GLI2: variants seen among roughly 807,000 people sequenced by gnomAD.
The protein encoded by GLI2 is GLI family zinc finger 2, also known as transcription activator GLI2.
A neutral mutation model predicts 78.9 loss-of-function variants in GLI2; 22 were observed. That is an observed-to-expected ratio of 0.28 (90% CI 0.20 to 0.40). The LOEUF is 0.40. GLI2 is among the 10% of genes least tolerant of loss of function. GLI2 has a pLI of 1.00. For missense variants in GLI2, 2,097 were observed against 2,213.2 expected (o/e 0.95, Z 1.05); for synonymous variants, 974 against 963.7 (o/e 1.01, Z -0.20).
At chr2:120,964,600 G>A (rs892303625) in intron 5 of GLI2, among the ~76,000 whole-genome samples, 5 of 152,196 alleles carry the variant, frequency 3.3e-5, no homozygotes, top group Admixed American at 6.5e-5. Context: ...GCCGACTCCC[G>A]GGTCTCCCGC....
chr2:120,798,167 C>T (rs997913603), intron 2 of GLI2, among the ~76,000 whole-genome samples: 2 of 152,190 alleles, frequency 1.3e-5, no homozygotes, highest in Non-Finnish European at 2.9e-5. Flanking sequence ...CCTTTTTGTT[C>T]CAGTGCATTT....
At chr2:120,744,262 G>A (rs1363147812) in intron 1 of GLI2, among the ~76,000 whole-genome samples, 1 of 152,234 alleles carries the variant, frequency 6.6e-6, no homozygotes, top group African/African-American at 2.4e-5. Context: ...TGTGGGTTGT[G>A]CTGTCATGAT....
At chr2:120,864,889 C>A (rs58534098) in intron 2 of GLI2, among the ~76,000 whole-genome samples, 21,333 of 152,226 alleles carry the variant, frequency 0.14, 1,672 homozygotes, top group Middle Eastern at 0.31. Flanking sequence ...GAAGGCCTGG[C>A]CCAGGCTGCA....
chr2:120,747,113 A>C (rs1454803938), intron 1 of GLI2, among the ~76,000 whole-genome samples: 1 of 152,236 alleles, frequency 6.6e-6, no homozygotes, highest in Non-Finnish European at 1.5e-5. Context: ...ATAGATTCCC[A>C]AAAGTGGAAT....
intron 2 of GLI2, among the ~76,000 whole-genome samples, chr2:120,899,416 CACACACACACACAT>C (rs1198464585): frequency 1.0e-4 from 15 of 144,406 alleles, no homozygotes; most frequent in African/African-American, 3.4e-4. Context: ...TACACACACA[CACACACACACACAT>C]ACACACATGC....
chr2:120,985,575 C>G (rs1039622888), intron 12 of GLI2, among the ~76,000 whole-genome samples: 22 of 152,292 alleles, frequency 1.4e-4, no homozygotes, highest in African/African-American at 5.1e-4. Context: ...GAAGATCATG[C>G]CTTCCCAAGA....
At chr2:120,806,669 G>A (rs1684968004) in intron 2 of GLI2, among the ~76,000 whole-genome samples, 2 of 152,216 alleles carry the variant, frequency 1.3e-5, no homozygotes. Flanking sequence ...TTGCCCTGCG[G>A]GGAGGCGCAG....
chr2:120,740,968 A>G (rs911973386), intron 1 of GLI2, among the ~76,000 whole-genome samples: 2 of 152,198 alleles, frequency 1.3e-5, no homozygotes, highest in Non-Finnish European at 2.9e-5. Context: ...TCCTGTCCCA[A>G]GTGAACTCTG....
chr2:120,900,174 C>T (rs1481509974), intron 2 of GLI2, among the ~76,000 whole-genome samples: 1 of 152,206 alleles, frequency 6.6e-6, no homozygotes, highest in Non-Finnish European at 1.5e-5. Flanking sequence ...TTGCAGCCCC[C>T]ATTGCCTCTT....
At chr2:120,822,480 T>G (rs377649982) in intron 2 of GLI2, among the ~76,000 whole-genome samples, 18 of 152,328 alleles carry the variant, frequency 1.2e-4, no homozygotes, top group African/African-American at 4.1e-4. Context: ...CCAAGAGAGA[T>G]GGTGCTGTCC....
At chr2:120,895,018 G>T (rs577027448) in intron 2 of GLI2, among the ~76,000 whole-genome samples, 3 of 152,174 alleles carry the variant, frequency 2.0e-5, no homozygotes, top group African/African-American at 7.2e-5. Flanking sequence ...TCTTTCTAGT[G>T]CCTCAATGGG....
At chr2:120,743,846 G>A (rs753445736) in intron 1 of GLI2, among the ~76,000 whole-genome samples, 30 of 152,222 alleles carry the variant, frequency 2.0e-4, no homozygotes, top group Non-Finnish European at 4.4e-4. Flanking sequence ...CCATCTCTAA[G>A]AGTCAAGACA....
At chr2:120,820,461 T>A (rs1685712276) in intron 2 of GLI2, among the ~76,000 whole-genome samples, 1 of 152,226 alleles carries the variant, frequency 6.6e-6, no homozygotes, top group Admixed American at 6.5e-5. Flanking sequence ...CAGAGGCTGA[T>A]GCTGGCGGCA....
intron 2 of GLI2, among the ~76,000 whole-genome samples, chr2:120,899,687 C>T (rs1422719940): frequency 6.6e-6 from 1 of 152,210 alleles, no homozygotes; most frequent in Admixed American, 6.5e-5. Context: ...CTCAGTCTCA[C>T]CTCTGCAGAA....
Position 120,972,034 on chromosome 2 carries a change from C to T in GLI2, c.1153C>T (p.Arg385Trp), listed in dbSNP as rs137925421. The T allele has an allele frequency of 1.9e-6, 3 of 1,613,324 alleles. No individual in the cohort carries two copies. Among genetic ancestry groups the T allele is most frequent in the Non-Finnish European group, 2.5e-6 (3 of 1,179,898 alleles). Reference protein sequence around the residue: ...SKVKTEPEGLRPASPLALTQE... With the variant: ...SKVKTEPEGLWPASPLALTQE... ...GGTCAAGACCGAGCCTGAGGGCCTG[C>T]GGCCGGCCTCCCCTCTGGCGCTGAC... Residue 385 changes from arginine to tryptophan, a missense_variant, in exon 8 of 14, where the codon CGG (arginine) becomes TGG (tryptophan). Physicochemically the swap from Arg to Trp is moderately radical, Grantham distance 101. This residue lies in a region of GLI2 where 578 missense variants were observed against 612.0 expected (regional missense o/e 0.94). Coordinates refer to ENST00000361492, the MANE Select transcript of GLI2 (RefSeq NM_001374353.1).
chr2:120,974,526 G>T (rs1573710868), intron 8 of GLI2, among the ~76,000 whole-genome samples: 1 of 152,184 alleles, frequency 6.6e-6, no homozygotes, highest in African/African-American at 2.4e-5. Flanking sequence ...ATGTGGTCAG[G>T]GGACTCAAGT....
intron 5 of GLI2, 39 bp downstream of exon 5, chr2:120,955,469 AG>A (rs1461853209): frequency 2.3e-6 from 3 of 1,293,446 alleles, no homozygotes; most frequent in Non-Finnish European, 3.2e-6. Context: ...TGGGGCTAGC[AG>A]ATCTCCTCTT....
chr2:120,834,098 T>A (rs961682405), intron 2 of GLI2, among the ~76,000 whole-genome samples: 32 of 152,268 alleles, frequency 2.1e-4, no homozygotes, highest in Admixed American at 3.9e-4. Context: ...CTCTGCACAA[T>A]GTACAAAAAT....
intron 2 of GLI2, among the ~76,000 whole-genome samples, chr2:120,803,405 A>T (rs1684792806): frequency 6.6e-6 from 1 of 152,240 alleles, no homozygotes; most frequent in South Asian, 2.1e-4. Flanking sequence ...TATTTGCTTT[A>T]TGAACTATTG....
Sources: gnomAD v4.1 joint callset for allele counts (sites outside exome capture counted in the v4.1 genomes callset) on GRCh38, gnomAD v4.1.1 for gene constraint, gnomAD v4.1.1 regional missense constraint, MANE v1.5 for transcripts, NCBI Gene and HGNC (gene_info 2026-07-23, HGNC 2026-07-21) for gene names.